TRIM44: variants seen among roughly 807,000 people sequenced by gnomAD.
The protein encoded by TRIM44 is tripartite motif containing 44, also known as tripartite motif-containing protein 44.
In TRIM44, 13 loss-of-function variants were observed where a neutral mutation model predicts 37.4. The observed-to-expected ratio is 0.35, with a 90% CI of 0.23 to 0.55. TRIM44 has a LOEUF of 0.55. Among genes scored for constraint, TRIM44 ranks in the 20% least tolerant of loss-of-function variants. The pLI, the probability that TRIM44 is intolerant of heterozygous loss-of-function variation, is 0.89. For synonymous variants in TRIM44, 175 were observed against 157.2 expected (o/e 1.11, Z -0.85); for missense variants, 426 against 437.2 (o/e 0.97, Z 0.23).
At chr11:35,691,725 A>G (rs1851637789) in intron 2 of TRIM44, among the ~76,000 whole-genome samples, 2 of 151,952 alleles carry the variant, frequency 1.3e-5, no homozygotes, top group African/African-American at 4.8e-5. Context: ...AGTTACTGTA[A>G]GCTCCACCTC....
chr11:35,811,176 T>C lies in TRIM44; in HGVS notation c.*4791T>C, dbSNP rs1415034412. 1 of 152,126 alleles carries C rather than the reference T, an allele frequency of 6.6e-6. No individual in the cohort carries two copies. Among genetic ancestry groups the C allele is most frequent in the East Asian group, 1.9e-4 (1 of 5,184 alleles). The allele number at this position is 152,126 out of a possible 1,614,324, so 9.4% of individuals were successfully genotyped here. A position where few individuals can be genotyped will look rare whatever the true frequency, so the allele number is the denominator to read the frequency against. ...TTGGTTACTAGATGTGGGAGTCTAA[T>C]TTACTCCTGACTTTTCCACAGTGCC... On this transcript the variant is annotated 3_prime_UTR_variant, in exon 5 of 5. Coordinates refer to ENST00000299413, the MANE Select transcript of TRIM44 (RefSeq NM_017583.6).
intron 1 of TRIM44, among the ~76,000 whole-genome samples, chr11:35,668,362 C>T (rs921582663): frequency 2.6e-5 from 4 of 152,192 alleles, no homozygotes; most frequent in Non-Finnish European, 5.9e-5. Flanking sequence ...GCTCTCCTTC[C>T]TCCCACCCCC....
rs1219093430 is a variant in TRIM44 at position 35,756,228 on chromosome 11, G to A, written c.1007+20783G>A. ...CTTGAAGAGGTCCTTCACATCCCTTGTAAGTTGGATTCCTAGGTATTGTAT... is the reference window on the plus strand; with the variant it reads ...CTTGAAGAGGTCCTTCACATCCCTTATAAGTTGGATTCCTAGGTATTGTAT... On this transcript the variant is annotated intron_variant, in intron 4 of 4. Transcript: ENST00000299413. Among the ~76,000 whole-genome samples, 280 of 152,168 alleles carry A rather than the reference G, an allele frequency of 1.8e-3. 2 individuals are homozygous for A. Among genetic ancestry groups the A allele is most frequent in the African/African-American group, 6.4e-3 (265 of 41,516 alleles).
chr11:35,779,912 CTA>C, intron 4 of TRIM44, among the ~76,000 whole-genome samples: 1 of 145,900 alleles, frequency 6.9e-6, no homozygotes, highest in Admixed American at 6.9e-5. Flanking sequence ...GATCAGATGG[CTA>C]TAGGTGTGCA....
intron 2 of TRIM44, among the ~76,000 whole-genome samples, chr11:35,685,996 A>G (rs567864125): frequency 6.6e-6 from 1 of 152,292 alleles, no homozygotes; most frequent in South Asian, 2.1e-4. Context: ...AGGGACTGGC[A>G]TGGGATCCAG....
chr11:35,781,002 TGAA>T (rs1853057569), intron 4 of TRIM44, among the ~76,000 whole-genome samples: 1 of 152,086 alleles, frequency 6.6e-6, no homozygotes, highest in South Asian at 2.1e-4. Context: ...AACCACTAAA[TGAA>T]GAAAATAATT....
chr11:35,759,825 G>C (rs1177817579), intron 4 of TRIM44, among the ~76,000 whole-genome samples: 4 of 152,218 alleles, frequency 2.6e-5, no homozygotes, highest in Non-Finnish European at 5.9e-5. Context: ...TTGGTGAACA[G>C]CAAATGTTGC....
intron 2 of TRIM44, among the ~76,000 whole-genome samples, chr11:35,710,424 T>C (rs544546071): frequency 1.3e-5 from 2 of 152,310 alleles, no homozygotes; most frequent in Admixed American, 1.3e-4. Flanking sequence ...ACAAACCCTT[T>C]TAACAAAGAC....
Position 35,722,459 on chromosome 11 carries a change from T to C in TRIM44, c.748-3465T>C, listed in dbSNP as rs183245479. The stretch of plus-strand genomic sequence containing the variant: ...GAGGAATGAAAAAATGGCTACTCCA[T>C]AGGCAGAGCAGCCCCAAGGGCTGCT... On this transcript the variant is annotated intron_variant, in intron 2 of 4. Coordinates refer to ENST00000299413, the MANE Select transcript of TRIM44 (RefSeq NM_017583.6). Among the ~76,000 whole-genome samples, 436 of 152,348 alleles carry C rather than the reference T, an allele frequency of 2.9e-3. 1 individual carries two copies. The highest frequency in any genetic ancestry group is 9.7e-3 in the African/African-American group (402 of 41,578).
chr11:35,723,913 T>C (rs1590543594), intron 2 of TRIM44, among the ~76,000 whole-genome samples: 1 of 152,304 alleles, frequency 6.6e-6, no homozygotes, highest in East Asian at 1.9e-4. Context: ...CAATGATCAC[T>C]GTAAAGCATA....
chr11:35,741,095 A>G (rs1027239058), intron 4 of TRIM44, among the ~76,000 whole-genome samples: 13 of 152,110 alleles, frequency 8.5e-5, no homozygotes, highest in African/African-American at 3.1e-4. Flanking sequence ...TCTTCATTGC[A>G]GGAAGTCTAT....
chr11:35,675,209 T>C (rs1329371207), intron 1 of TRIM44, among the ~76,000 whole-genome samples: 2 of 152,228 alleles, frequency 1.3e-5, no homozygotes, highest in African/African-American at 2.4e-5. Context: ...AATAATCTTG[T>C]CTAGTTCCAG....
chr11:35,790,417 C>T (rs935309894), intron 4 of TRIM44, among the ~76,000 whole-genome samples: 14 of 152,326 alleles, frequency 9.2e-5, no homozygotes, highest in African/African-American at 3.1e-4. Context: ...CATCTGTTAC[C>T]TCCTCCAGTA....
rs575827594 is a variant in TRIM44 at position 35,704,277 on chromosome 11, C to T, written c.747+18941C>T. ...GGACTATGTGAAAAGACCAAATCTA[C>T]GTCTGATTGGTGTACCTGAAAGTGA... On this transcript the variant is annotated intron_variant, in intron 2 of 4. Coordinates refer to ENST00000299413, the MANE Select transcript of TRIM44 (RefSeq NM_017583.6). 1.6e-4 allele frequency among the ~76,000 whole-genome samples: 24 copies of T among 152,260 alleles called. 1 individual carries two copies. The East Asian group carries it at 4.4e-3, about 28-fold the overall frequency.
intron 4 of TRIM44, among the ~76,000 whole-genome samples, chr11:35,793,559 T>G (rs1387084569): frequency 6.6e-6 from 1 of 151,978 alleles, no homozygotes; most frequent in Non-Finnish European, 1.5e-5. Context: ...ACTATTGGGA[T>G]CCCCTGTAAC....
At chr11:35,694,988 G>A (rs1232605511) in intron 2 of TRIM44, among the ~76,000 whole-genome samples, 1 of 152,074 alleles carries the variant, frequency 6.6e-6, no homozygotes, top group Non-Finnish European at 1.5e-5. Flanking sequence ...TATGCAACCA[G>A]AAAACATGCA....
At chr11:35,769,623 G>T (rs753689934) in intron 4 of TRIM44, among the ~76,000 whole-genome samples, 7 of 152,120 alleles carry the variant, frequency 4.6e-5, no homozygotes, top group Admixed American at 6.5e-5. Context: ...TTAAAAGGGG[G>T]ATAATTAATA....
intron 1 of TRIM44, among the ~76,000 whole-genome samples, chr11:35,674,483 A>G (rs1288495657): frequency 2.6e-5 from 4 of 152,210 alleles, no homozygotes; most frequent in African/African-American, 9.6e-5. Flanking sequence ...TTTGATGTAT[A>G]CTATAATGTG....
chr11:35,671,445 G>T (rs1033604207), intron 1 of TRIM44, among the ~76,000 whole-genome samples: 3 of 152,198 alleles, frequency 2.0e-5, no homozygotes, highest in African/African-American at 7.2e-5. Flanking sequence ...CATTGTTAGT[G>T]CTCACTAAAT....
Sources: allele counts gnomAD v4.1 joint callset (sites outside exome capture counted in the v4.1 genomes callset), GRCh38; gene constraint gnomAD v4.1.1; transcripts MANE v1.5; gene names NCBI Gene and HGNC (gene_info 2026-07-23, HGNC 2026-07-21).